Variants in XIRP2 observed in about 807,000 individuals in gnomAD.
The protein encoded by XIRP2 is xin actin binding repeat containing 2.
Under a neutral mutation model 277.0 loss-of-function variants are expected in XIRP2, and 236 were observed. The ratio of observed to expected loss-of-function variants is 0.85; its 90% confidence interval spans 0.77 to 0.95. XIRP2 has a LOEUF of 0.95. Ranked by LOEUF, XIRP2 falls within the 40% of genes least tolerant of loss-of-function variation. The pLI is 0.00. For missense variants in XIRP2, 4,640 were observed against 4,157.5 expected, an observed-to-expected ratio of 1.12 and a Z score of -3.19; for synonymous variants, 1,490 against 1,416.5, an observed-to-expected ratio of 1.05 and a Z score of -1.17.
rs751037943 is a variant in XIRP2, at chr2:167,245,702, G to A, written c.4310G>A (p.Arg1437Gln). ...AATTTTGATAAGAATAACTATATACGAACAGTAAGTGTCAATGAAATACAA... is the reference window on the plus strand; with the variant it reads ...AATTTTGATAAGAATAACTATATACAAACAGTAAGTGTCAATGAAATACAA... The part of the protein sequence containing the change: ...SENFDKNNYI[R>Q]TVSVNEIQKG... Residue 1437 changes from arginine (R) to glutamine (Q), a missense_variant, in exon 9 of 11, where the codon CGA (arginine) becomes CAA (glutamine). Physicochemically the swap from Arg to Gln is conservative, Grantham distance 43 (BLOSUM62 1). Coordinates refer to ENST00000409195, the MANE Select transcript of XIRP2 (RefSeq NM_152381.6). The A allele has an allele frequency of 1.5e-5, 24 of 1,613,314 alleles. No homozygotes were observed. The highest frequency in any genetic ancestry group is 1.6e-4 in the Middle Eastern group (1 of 6,082).
At chr2:167,045,479 G>A (rs1394418158) in intron 2 of XIRP2, among the ~76,000 whole-genome samples, 2 of 151,984 alleles carry the variant, frequency 1.3e-5, no homozygotes, top group Non-Finnish European at 1.5e-5. Context: ...CTATTGAATG[G>A]GAGAAAATAT....
At chr2:166,944,263 T>A (rs1685795486) in intron 2 of XIRP2, among the ~76,000 whole-genome samples, 2 of 152,242 alleles carry the variant, frequency 1.3e-5, no homozygotes, top group Non-Finnish European at 2.9e-5. Flanking sequence ...GTCCATTCAT[T>A]TTTCCTAAGA....
chr2:167,136,254 G>T (rs902554240), intron 3 of XIRP2, among the ~76,000 whole-genome samples, 192 bp downstream of exon 3: 2 of 152,018 alleles, frequency 1.3e-5, no homozygotes, highest in South Asian at 2.1e-4. Context: ...ATTTTAATTA[G>T]ATTTTTAAAA....
In XIRP2 at chr2:167,251,282, G is replaced by T. The variant is rs777053988; in HGVS notation, c.9890G>T (p.Arg3297Leu). ...AGTTATGATGCAGTTGAAATCATCCGCAAGGTTGCAGTGCCTCCTCGCCTG... is the reference window on the plus strand; with the variant it reads ...AGTTATGATGCAGTTGAAATCATCCTCAAGGTTGCAGTGCCTCCTCGCCTG... The part of the protein sequence containing the change: ...TESYDAVEII[R>L]KVAVPPRLSE... Residue 3297 changes from arginine to leucine, a missense_variant, in exon 9 of 11, where the codon CGC becomes CTC. Physicochemically the swap from Arg to Leu is moderately radical, Grantham distance 102. Transcript: ENST00000409195. 1.2e-6 allele frequency: 2 copies of T among 1,613,500 alleles called. No homozygotes were observed. The highest frequency in any genetic ancestry group is 2.2e-5 in the East Asian group (1 of 44,820).
intron 2 of XIRP2, among the ~76,000 whole-genome samples, chr2:167,029,841 T>G (rs1387913120): frequency 6.6e-6 from 1 of 152,130 alleles, no homozygotes; most frequent in Non-Finnish European, 1.5e-5. Flanking sequence ...GTCCTGGGCA[T>G]TTTTTGGTTG....
intron 3 of XIRP2, among the ~76,000 whole-genome samples, chr2:167,188,989 T>A (rs930017963): frequency 5.9e-5 from 9 of 152,036 alleles, no homozygotes; most frequent in Admixed American, 2.6e-4. Context: ...AAGAGGAGAG[T>A]GTTGCCTTTC....
intron 5 of XIRP2, among the ~76,000 whole-genome samples, chr2:167,223,558 A>G (rs1236126417): frequency 6.6e-6 from 1 of 152,220 alleles, no homozygotes; most frequent in Non-Finnish European, 1.5e-5. Flanking sequence ...TGTGTGTTTT[A>G]GACTCTTTAA....
intron 3 of XIRP2, among the ~76,000 whole-genome samples, chr2:167,154,898 A>G (rs1399153034): frequency 6.6e-6 from 1 of 152,154 alleles, no homozygotes; most frequent in Non-Finnish European, 1.5e-5. Flanking sequence ...ATGCAAGAAA[A>G]AATGATAAAG....
At chr2:167,019,358 A>G (rs1038171436) in intron 2 of XIRP2, among the ~76,000 whole-genome samples, 4 of 152,038 alleles carry the variant, frequency 2.6e-5, no homozygotes, top group African/African-American at 7.2e-5. Flanking sequence ...TAATAATACC[A>G]TGAATAAGAA....
intron 3 of XIRP2, among the ~76,000 whole-genome samples, chr2:167,139,989 T>G (rs1456767221): frequency 6.6e-6 from 1 of 152,168 alleles, no homozygotes; most frequent in African/African-American, 2.4e-5. Flanking sequence ...ATTATTCATT[T>G]TAAGTGATCC....
At chr2:167,026,488 TC>T (rs1322982844) in intron 2 of XIRP2, among the ~76,000 whole-genome samples, 1 of 152,186 alleles carries the variant, frequency 6.6e-6, no homozygotes, top group African/African-American at 2.4e-5. Context: ...GTGAATTTGA[TC>T]CTGTCATTTG....
chr2:166,954,586 A>G lies in XIRP2; in HGVS notation c.408+50696A>G, dbSNP rs995691329. On this transcript the variant is annotated intron_variant, in intron 2 of 10. Coordinates refer to ENST00000409195, the MANE Select transcript of XIRP2 (RefSeq NM_152381.6). ...CTACTGGGTATATACCCAAAGGAAC[A>G]TAAATCATTCTGTTATAAAGACACG... Among the ~76,000 whole-genome samples, 29 of 152,046 alleles carry G rather than the reference A, an allele frequency of 1.9e-4. 3 individuals are homozygous for G. Among genetic ancestry groups the G allele is most frequent in the Admixed American group, 1.6e-3 (25 of 15,250 alleles).
chr2:167,196,173 A>C (rs1693501345), intron 3 of XIRP2, among the ~76,000 whole-genome samples: 1 of 152,156 alleles, frequency 6.6e-6, no homozygotes, highest in Non-Finnish European at 1.5e-5. Context: ...AATGTTCTCT[A>C]TGATAATATA....
intron 2 of XIRP2, among the ~76,000 whole-genome samples, chr2:167,010,052 AG>A (rs1182133159): frequency 1.3e-5 from 2 of 152,044 alleles, no homozygotes; most frequent in Admixed American, 1.3e-4. Context: ...TTTGCTGTGC[AG>A]AAGCTCTTTA....
chr2:166,995,252 G>A (rs1029092914), intron 2 of XIRP2, among the ~76,000 whole-genome samples: 1 of 152,156 alleles, frequency 6.6e-6, no homozygotes, highest in Non-Finnish European at 1.5e-5. Flanking sequence ...GTACATTGTA[G>A]AAATAGCCAT....
intron 2 of XIRP2, among the ~76,000 whole-genome samples, chr2:167,135,487 G>T (rs6705221): frequency 0.022 from 3,349 of 152,056 alleles, 126 homozygotes; most frequent in African/African-American, 0.076. Context: ...ATCATTACAG[G>T]GTGAACATGA....
intron 2 of XIRP2, among the ~76,000 whole-genome samples, chr2:166,954,581 G>A (rs1170979648): frequency 1.3e-5 from 2 of 151,818 alleles, no homozygotes; most frequent in Non-Finnish European, 2.9e-5. Flanking sequence ...TATACCCAAA[G>A]GAACATAAAT....
intron 2 of XIRP2, among the ~76,000 whole-genome samples, chr2:167,110,813 T>G (rs1006053220): frequency 1.3e-5 from 2 of 152,198 alleles, no homozygotes; most frequent in African/African-American, 4.8e-5. Context: ...GCATGAAATA[T>G]TTTTCCATTT....
At chr2:167,187,749 A>G (rs1693200595) in intron 3 of XIRP2, among the ~76,000 whole-genome samples, 1 of 152,336 alleles carries the variant, frequency 6.6e-6, no homozygotes, top group East Asian at 1.9e-4. Context: ...AGCATTTTTC[A>G]TATTTAATAT....
Sources: gnomAD v4.1 joint callset for allele counts (sites outside exome capture counted in the v4.1 genomes callset) on GRCh38, gnomAD v4.1.1 for gene constraint, MANE v1.5 for transcripts, NCBI Gene and HGNC (gene_info 2026-07-23, HGNC 2026-07-21) for gene names.